Variants in NRXN3 observed in about 807,000 individuals in gnomAD.
NRXN3 encodes neurexin III.
In NRXN3, 32 loss-of-function variants were observed where a neutral mutation model predicts 137.6. The observed-to-expected ratio is 0.23, with a 90% CI of 0.18 to 0.31. NRXN3 has a LOEUF of 0.31. Ranked by LOEUF, NRXN3 falls within the 10% of genes least tolerant of loss-of-function variation. The pLI is 1.00. For missense variants in NRXN3, 1,574 were observed against 2,062.5 expected (o/e 0.76, Z 4.59); for synonymous variants, 798 against 784.5 (o/e 1.02, Z -0.29).
chr14:78,562,937 C>A (rs565908609), intron 4 of NRXN3, among the ~76,000 whole-genome samples: 1 of 152,224 alleles, frequency 6.6e-6, no homozygotes, highest in Non-Finnish European at 1.5e-5. Context: ...TAACTGTAAT[C>A]AGTTGAGTGT....
intron 16 of NRXN3, among the ~76,000 whole-genome samples, chr14:79,526,439 C>T (rs2097121388): frequency 6.6e-6 from 1 of 152,144 alleles, no homozygotes; most frequent in African/African-American, 2.4e-5. Flanking sequence ...AAGTGATTCT[C>T]CTGTGTAGGT....
At chr14:78,558,906 G>A (rs1317509347) in intron 4 of NRXN3, among the ~76,000 whole-genome samples, 2 of 152,150 alleles carry the variant, frequency 1.3e-5, no homozygotes, top group Admixed American at 6.5e-5. Context: ...AAATGACAGG[G>A]CTCTAATTCA....
chr14:78,519,500 A>G (rs1216233935), intron 4 of NRXN3, among the ~76,000 whole-genome samples: 1 of 152,200 alleles, frequency 6.6e-6, no homozygotes, highest in South Asian at 2.1e-4. Context: ...TTATTCATTA[A>G]TTTATTTACT....
At chr14:78,842,466 G>A (rs956330583) in intron 10 of NRXN3, among the ~76,000 whole-genome samples, 1 of 152,084 alleles carries the variant, frequency 6.6e-6, no homozygotes, top group African/African-American at 2.4e-5. Context: ...GCTTCACAAG[G>A]TAATAAGATA....
chr14:78,520,121 A>G (rs922744053), intron 4 of NRXN3, among the ~76,000 whole-genome samples: 7 of 152,144 alleles, frequency 4.6e-5, no homozygotes, highest in African/African-American at 1.7e-4. Flanking sequence ...CATGTTCCTA[A>G]CCCTCATTCT....
chr14:78,414,030 T>A (rs905615557), intron 4 of NRXN3, among the ~76,000 whole-genome samples: 1 of 152,186 alleles, frequency 6.6e-6, no homozygotes, highest in Non-Finnish European at 1.5e-5. Flanking sequence ...CCTGTCAGCA[T>A]GTAAGACATG....
intron 19 of NRXN3, among the ~76,000 whole-genome samples, chr14:79,709,417 G>A (rs919782115): frequency 1.3e-5 from 2 of 152,066 alleles, no homozygotes; most frequent in Admixed American, 6.6e-5. Context: ...ATGCTGCTCC[G>A]GGTTTCAGAT....
chr14:79,796,853 G>C (rs924658698), intron 19 of NRXN3, among the ~76,000 whole-genome samples: 1 of 152,212 alleles, frequency 6.6e-6, no homozygotes, highest in Non-Finnish European at 1.5e-5. Flanking sequence ...GTAGTCTGCT[G>C]TCTTTAGTGA....
chr14:78,713,719 T>G (rs1385981899), intron 7 of NRXN3, among the ~76,000 whole-genome samples: 1 of 152,184 alleles, frequency 6.6e-6, no homozygotes, highest in African/African-American at 2.4e-5. Context: ...AAACACGTCC[T>G]TCTTCATATG....
chr14:78,944,185 T>C (rs943335829), intron 10 of NRXN3, among the ~76,000 whole-genome samples: 5 of 152,174 alleles, frequency 3.3e-5, no homozygotes, highest in African/African-American at 4.8e-5. Flanking sequence ...ACCAAAATTA[T>C]CTGAGAATGA....
At chr14:79,419,280 A>G (rs899995191) in intron 15 of NRXN3, among the ~76,000 whole-genome samples, 24 of 152,276 alleles carry the variant, frequency 1.6e-4, no homozygotes, top group African/African-American at 5.8e-4. Context: ...TCAAATGGTA[A>G]ATGACAGACA....
intron 4 of NRXN3, among the ~76,000 whole-genome samples, chr14:78,544,426 C>A (rs2096619686): frequency 6.6e-6 from 1 of 152,190 alleles, no homozygotes; most frequent in Non-Finnish European, 1.5e-5. Context: ...TCAAAGTGAA[C>A]AAACCCCTGC....
At chr14:78,775,592 GA>G (rs1351206710) in intron 8 of NRXN3, among the ~76,000 whole-genome samples, 1 of 152,196 alleles carries the variant, frequency 6.6e-6, no homozygotes, top group East Asian at 1.9e-4. Context: ...AATTTTACAG[GA>G]ATGAGGTGCC....
rs183657729 is a variant in NRXN3 at position 78,833,033 on chromosome 14, G to T, written c.2275+22689G>T. Among the ~76,000 whole-genome samples, 73 of 152,280 alleles carry T rather than the reference G, an allele frequency of 4.8e-4. 1 individual carries two copies. The highest frequency in any genetic ancestry group is 3.4e-3 in the Middle Eastern group (1 of 294). Reference sequence around the variant, plus strand: ...GCCCTTGAAGATTTGTAACCTAGGGGTTGGAGATAGACTCCATGAGGCTGA... The same window carrying T: ...GCCCTTGAAGATTTGTAACCTAGGGTTTGGAGATAGACTCCATGAGGCTGA... On this transcript the variant is annotated intron_variant, in intron 10 of 20. Transcript: ENST00000335750.
chr14:79,469,133 T>C (rs1255923559), intron 16 of NRXN3, among the ~76,000 whole-genome samples: 1 of 152,224 alleles, frequency 6.6e-6, no homozygotes, highest in African/African-American at 2.4e-5. Context: ...TGATTTATCT[T>C]CTTTTTTTGT....
intron 19 of NRXN3, among the ~76,000 whole-genome samples, chr14:79,756,620 C>T (rs1043132397): frequency 2.0e-5 from 3 of 152,118 alleles, no homozygotes; most frequent in Non-Finnish European, 4.4e-5. Context: ...CCAGCCTGTG[C>T]CAAAGCAGAT....
At chr14:78,902,583 A>T (rs924701557) in intron 10 of NRXN3, among the ~76,000 whole-genome samples, 27 of 152,006 alleles carry the variant, frequency 1.8e-4, no homozygotes, top group Admixed American at 1.7e-3. Flanking sequence ...AATAAAGATT[A>T]GCCCCTAATT....
chr14:79,659,446 T>C (rs907235595), intron 16 of NRXN3, among the ~76,000 whole-genome samples: 1 of 152,164 alleles, frequency 6.6e-6, no homozygotes, highest in Non-Finnish European at 1.5e-5. Context: ...CAAATTGGGA[T>C]AGGAAATCAA....
chr14:78,600,622 C>A (rs190824296), intron 4 of NRXN3, among the ~76,000 whole-genome samples: 1 of 152,134 alleles, frequency 6.6e-6, no homozygotes, highest in Admixed American at 6.6e-5. Context: ...CCCTTGTCTT[C>A]CCCCAACATT....
Sources: allele counts gnomAD v4.1 joint callset (sites outside exome capture counted in the v4.1 genomes callset), GRCh38; gene constraint gnomAD v4.1.1; transcripts MANE v1.5; gene names NCBI Gene and HGNC (gene_info 2026-07-23, HGNC 2026-07-21).